FAM169A: variants seen among roughly 807,000 people sequenced by gnomAD.
FAM169A encodes family with sequence similarity 169 member A.
Under a neutral mutation model 75.7 loss-of-function variants are expected in FAM169A, and 24 were observed. The ratio of observed to expected loss-of-function variants is 0.32; its 90% CI spans 0.23 to 0.45. FAM169A has a LOEUF of 0.45. FAM169A is among the 20% of genes least tolerant of loss of function. FAM169A has a pLI of 1.00. For synonymous variants in FAM169A, 271 were observed against 271.0 expected (o/e 1.00, Z 0.00); for missense variants, 673 against 784.0 (o/e 0.86, Z 1.69).
intron 6 of FAM169A, among the ~76,000 whole-genome samples, chr5:74,807,883 C>G (rs1746970194): frequency 6.6e-6 from 1 of 152,102 alleles, no homozygotes; most frequent in Non-Finnish European, 1.5e-5. Flanking sequence ...TTTTGGGAGG[C>G]CAAGGTAGGC....
chr5:74,851,973 A>G (rs1203171563), intron 1 of FAM169A, among the ~76,000 whole-genome samples: 1 of 152,210 alleles, frequency 6.6e-6, no homozygotes, highest in Non-Finnish European at 1.5e-5. Context: ...ACTGTTGTAG[A>G]TATTTTTAAC....
intron 5 of FAM169A, among the ~76,000 whole-genome samples, chr5:74,829,636 C>A (rs2112633499): frequency 6.6e-6 from 1 of 151,720 alleles, no homozygotes; most frequent in East Asian, 2.0e-4. Context: ...CCAGCCTGGG[C>A]AACAGAGCAA....
chr5:74,854,406 T>TAAG (rs1437370949), intron 1 of FAM169A, among the ~76,000 whole-genome samples: 1 of 151,746 alleles, frequency 6.6e-6, no homozygotes, highest in Non-Finnish European at 1.5e-5. Context: ...AAAATAATAA[T>TAAG]AATAATAATA....
intron 12 of FAM169A, among the ~76,000 whole-genome samples, chr5:74,782,592 A>G (rs1198702263): frequency 6.6e-6 from 1 of 152,224 alleles, no homozygotes; most frequent in African/African-American, 2.4e-5. Flanking sequence ...ATTAAAACAA[A>G]TATAAATTAC....
intron 1 of FAM169A, among the ~76,000 whole-genome samples, chr5:74,847,040 C>T (rs1164624): frequency 0.45 from 68,786 of 152,012 alleles, 17,686 homozygotes; most frequent in Non-Finnish European, 0.58. Context: ...TGTCAAGTGC[C>T]GGTATCACTA....
At chr5:74,788,795 G>A (rs568891991) in intron 11 of FAM169A, among the ~76,000 whole-genome samples, 16 of 152,164 alleles carry the variant, frequency 1.1e-4, no homozygotes, top group African/African-American at 3.6e-4. Context: ...CATCAAGGAC[G>A]GTGCAGGGGT....
chr5:74,818,157 T>C (rs1210065542), intron 5 of FAM169A, among the ~76,000 whole-genome samples: 1 of 152,158 alleles, frequency 6.6e-6, no homozygotes, highest in East Asian at 1.9e-4. Flanking sequence ...GTAGATAAAT[T>C]AGACCTCATC....
At chr5:74,853,117 T>C (rs958744398) in intron 1 of FAM169A, among the ~76,000 whole-genome samples, 1 of 152,218 alleles carries the variant, frequency 6.6e-6, no homozygotes, top group Admixed American at 6.5e-5. Context: ...ATAGCCCTTC[T>C]CATTAATAAC....
intron 11 of FAM169A, among the ~76,000 whole-genome samples, chr5:74,785,566 G>A (rs775025454): frequency 4.6e-5 from 7 of 151,964 alleles, no homozygotes; most frequent in Non-Finnish European, 8.8e-5. Flanking sequence ...GTTCAAGACC[G>A]GACTGGCCAA....
intron 5 of FAM169A, among the ~76,000 whole-genome samples, chr5:74,820,803 C>A (rs1211992190): frequency 6.6e-6 from 1 of 152,190 alleles, no homozygotes. Flanking sequence ...TTTCCCATCA[C>A]CTGCAGAAAA....
chr5:74,850,140 G>A (rs1192221905), intron 1 of FAM169A, among the ~76,000 whole-genome samples: 2 of 152,192 alleles, frequency 1.3e-5, no homozygotes, highest in Non-Finnish European at 2.9e-5. Flanking sequence ...AACCCATGAG[G>A]TGGGTGTTTT....
At chr5:74,790,995 G>A (rs1283672174) in intron 11 of FAM169A, among the ~76,000 whole-genome samples, 1 of 152,272 alleles carries the variant, frequency 6.6e-6, no homozygotes, top group African/African-American at 2.4e-5. Flanking sequence ...CCGTGGACTC[G>A]CGGAAGGCCT....
At chr5:74,783,235 C>A in intron 11 of FAM169A, 101 bp from the exon 12 acceptor site, 1 of 752,670 alleles carries the variant, frequency 1.3e-6, no homozygotes, top group Non-Finnish European at 2.2e-6. Context: ...TATCCTACAC[C>A]AAGACTCAAA....
chr5:74,827,324 C>A (rs1748085996), intron 5 of FAM169A, among the ~76,000 whole-genome samples: 1 of 152,048 alleles, frequency 6.6e-6, no homozygotes. Flanking sequence ...ATCCATTGAA[C>A]AAACTATTCC....
At chr5:74,792,407 G>C (rs1746021376) in intron 11 of FAM169A, among the ~76,000 whole-genome samples, 1 of 152,194 alleles carries the variant, frequency 6.6e-6, no homozygotes, top group East Asian at 1.9e-4. Context: ...AGAACATGGA[G>C]AGATTAGACT....
intron 1 of FAM169A, among the ~76,000 whole-genome samples, chr5:74,859,701 A>T (rs1168522339): frequency 6.6e-6 from 1 of 152,114 alleles, no homozygotes. Flanking sequence ...TTTTTTTTAA[A>T]TAAGGAAGCA....
chr5:74,836,334 A>G (rs925502665), intron 4 of FAM169A, among the ~76,000 whole-genome samples: 1 of 151,566 alleles, frequency 6.6e-6, no homozygotes, highest in Non-Finnish European at 1.5e-5. Context: ...TTGTTTTTTA[A>G]TTCTGCCCTT....
At chr5:74,861,589 C>T (rs1750038726) in intron 1 of FAM169A, among the ~76,000 whole-genome samples, 1 of 152,032 alleles carries the variant, frequency 6.6e-6, no homozygotes, top group Non-Finnish European at 1.5e-5. Flanking sequence ...CTGATGGGCA[C>T]CTGTAATCCC....
At chr5:74,794,203 G>A (rs1040158980) in intron 11 of FAM169A, among the ~76,000 whole-genome samples, 2 of 148,266 alleles carry the variant, frequency 1.3e-5, no homozygotes, top group Non-Finnish European at 3.0e-5. Flanking sequence ...GACCATCCTG[G>A]CTAACACGGT....
Sources: gnomAD v4.1 joint callset for allele counts (sites outside exome capture counted in the v4.1 genomes callset) on GRCh38, gnomAD v4.1.1 for gene constraint, MANE v1.5 for transcripts, NCBI Gene and HGNC (gene_info 2026-07-23, HGNC 2026-07-21) for gene names.